The following CD302 variants were observed in gnomAD, a reference collection of about 807,000 sequenced individuals.
CD302 encodes the protein CD302 antigen.
In CD302, 23 loss-of-function variants were observed where a neutral mutation model predicts 26.5. The ratio of observed to expected loss-of-function variants is 0.87; its 90% CI spans 0.62 to 1.23. The LOEUF (loss-of-function observed/expected upper bound fraction) is 1.23, where lower values mean the gene tolerates loss of function less well. Among genes scored for constraint, CD302 ranks in the 50% most tolerant of loss-of-function variants. The pLI is 0.00. For synonymous variants in CD302, 90 were observed against 99.4 expected (o/e 0.91, Z 0.56); for missense variants, 290 against 275.5 (o/e 1.05, Z -0.37).
At chr2:159,783,493 T>C (rs1230825604) in intron 1 of CD302, 24 bp from the exon 2 acceptor site, 3 of 1,538,078 alleles carry the variant, frequency 2.0e-6, no homozygotes, top group Non-Finnish European at 2.6e-6. Context: ...AGAAGAACAC[T>C]GTTAAATAAC....
chr2:159,781,369 C>T (rs534873778), intron 2 of CD302: 5 of 153,114 alleles, frequency 3.3e-5, no homozygotes, highest in East Asian at 3.9e-4. Flanking sequence ...GCCAACATGA[C>T]GAAATCCTGT....
intron 2 of CD302, among the ~76,000 whole-genome samples, chr2:159,781,754 T>C (rs1050606263): frequency 6.6e-6 from 1 of 152,214 alleles, no homozygotes; most frequent in African/African-American, 2.4e-5. Context: ...TGTTGGAAAT[T>C]TCGTCTTGTT....
intron 2 of CD302, chr2:159,781,500 C>G (rs1439197488): frequency 6.7e-6 from 1 of 149,518 alleles, no homozygotes; most frequent in East Asian, 2.0e-4. Flanking sequence ...GTAGAGGTTG[C>G]AATGAGCTGA....
intron 1 of CD302, among the ~76,000 whole-genome samples, chr2:159,793,981 C>G (rs1043681517): frequency 6.6e-6 from 1 of 151,832 alleles, no homozygotes; most frequent in Non-Finnish European, 1.5e-5. Flanking sequence ...CTAAAATAGG[C>G]CAGGCGTGGC....
At chr2:159,792,091 G>A (rs1019842267) in intron 1 of CD302, among the ~76,000 whole-genome samples, 1 of 152,210 alleles carries the variant, frequency 6.6e-6, no homozygotes, top group Admixed American at 6.5e-5. Context: ...AAGTTACAGT[G>A]AAGATGCTGG....
intron 2 of CD302, among the ~76,000 whole-genome samples, chr2:159,782,877 T>C (rs1708560317): frequency 6.6e-6 from 1 of 152,244 alleles, no homozygotes; most frequent in Non-Finnish European, 1.5e-5. Flanking sequence ...CATGGTCCTA[T>C]GTAATCTGAC....
chr2:159,772,293 T>C (rs1252311484), intron 5 of CD302, among the ~76,000 whole-genome samples: 1 of 152,216 alleles, frequency 6.6e-6, no homozygotes. Flanking sequence ...GAAGACCCCA[T>C]AGTGGAAATC....
Position 159,797,961 on chromosome 2 carries a change from T to C in CD302, c.67+171A>G, listed in dbSNP as rs377678382. Among the ~76,000 whole-genome samples, 72 of 152,098 alleles carry C rather than the reference T, an allele frequency of 4.7e-4. No homozygotes were observed. In the East Asian group the frequency reaches 0.01, roughly 22 times the overall value. On this transcript the variant is annotated intron_variant, in intron 1 of 5. Coordinates refer to ENST00000259053, the MANE Select transcript of CD302 (RefSeq NM_014880.5). ...TCCCCGAGGGCAGGCGGGTGAGAGGTGACCCGGAGCCAGGACCCACGGGGG... is the reference window on the plus strand; with the variant it reads ...TCCCCGAGGGCAGGCGGGTGAGAGGCGACCCGGAGCCAGGACCCACGGGGG...
In CD302 at chr2:159,790,362, G is replaced by A. The variant is rs139769832; in HGVS notation, c.68-6893C>T. Among the ~76,000 whole-genome samples the A allele has an allele frequency of 4.6e-5, 7 of 151,930 alleles. No homozygotes were observed. In the East Asian group the frequency reaches 9.7e-4, roughly 21 times the overall value. ...CACTGGATAAATAGGAAGTTGCCAC[G>A]GATAAAAGGAAAAAGAAAAAAAAAA... On this transcript the variant is annotated intron_variant, in intron 1 of 5. Transcript: ENST00000259053.
intron 1 of CD302, among the ~76,000 whole-genome samples, chr2:159,786,337 T>C (rs1350371123): frequency 1.4e-5 from 2 of 144,552 alleles, no homozygotes; most frequent in African/African-American, 2.6e-5. Flanking sequence ...TTTTTCTTTT[T>C]TTTTTTTTTT....
intron 5 of CD302, among the ~76,000 whole-genome samples, chr2:159,774,635 C>T (rs1301788806): frequency 1.3e-5 from 2 of 152,168 alleles, no homozygotes; most frequent in South Asian, 2.1e-4. Context: ...ATAACCTGTC[C>T]TCTGTCTCCT....
intron 2 of CD302, 24 bp downstream of exon 2, chr2:159,783,335 A>T: frequency 6.5e-7 from 1 of 1,540,648 alleles, no homozygotes; most frequent in Non-Finnish European, 8.7e-7. Flanking sequence ...TGAAAAAACA[A>T]ACAGAAAAGA....
At chr2:159,784,346 CTTTTTTT>C (rs151184238) in intron 1 of CD302, among the ~76,000 whole-genome samples, 16 of 53,096 alleles carry the variant, frequency 3.0e-4, no homozygotes, top group African/African-American at 1.0e-3. Context: ...TTAAGTTCTG[CTTTTTTT>C]TTTTTTTTTT....
chr2:159,797,417 A>T (rs944785122), intron 1 of CD302, among the ~76,000 whole-genome samples: 6 of 152,174 alleles, frequency 3.9e-5, no homozygotes, highest in African/African-American at 1.4e-4. Context: ...AAATTTTTTA[A>T]AAATAAAGAC....
Position 159,771,266 on chromosome 2 carries a change from T to G in CD302, c.*585A>C, listed in dbSNP as rs1350838227. On this transcript the variant is annotated 3_prime_UTR_variant, in exon 6 of 6. Coordinates refer to ENST00000259053, the MANE Select transcript of CD302 (RefSeq NM_014880.5). ...AGCGATCATATTTTGTTTCAAATAA[T>G]TTATAAACATTCATTAAAACTTGAG... 1 of 152,828 alleles carries G rather than the reference T, an allele frequency of 6.5e-6. No homozygotes were observed. The highest frequency in any genetic ancestry group is 1.5e-5 in the Non-Finnish European group (1 of 68,538). The allele number at this position is 152,828 out of a possible 1,614,324, so 9.5% of individuals were successfully genotyped here.
rs2125782642 is a variant in CD302, at chr2:159,769,098, A to G, written c.*2753T>C. On this transcript the variant is annotated 3_prime_UTR_variant, in exon 6 of 6. Coordinates refer to ENST00000259053, the MANE Select transcript of CD302 (RefSeq NM_014880.5). ...AGAGAAAAGGCTTTCATTGGTTATC[A>G]GTTTTAAATTCTGAACAAAAGAGAC... The G allele has an allele frequency of 6.6e-6, 1 of 152,342 alleles. No homozygotes were observed. The highest frequency in any genetic ancestry group is 2.1e-4 in the South Asian group (1 of 4,834). The allele number at this position is 152,342 out of a possible 1,614,324, so 9.4% of individuals were successfully genotyped here.
chr2:159,794,457 T>C (rs917350936), intron 1 of CD302, among the ~76,000 whole-genome samples: 1 of 151,344 alleles, frequency 6.6e-6, no homozygotes, highest in Non-Finnish European at 1.5e-5. Flanking sequence ...CCTGAAATAA[T>C]ACCTAATTGA....
intron 5 of CD302, among the ~76,000 whole-genome samples, chr2:159,776,780 C>G (rs1708345486): frequency 6.8e-6 from 1 of 147,222 alleles, no homozygotes; most frequent in Admixed American, 7.1e-5. Context: ...TCTCGGCTCA[C>G]TGCAACCTCC....
intron 1 of CD302, among the ~76,000 whole-genome samples, chr2:159,787,601 A>T (rs1421076110): frequency 1.3e-5 from 2 of 152,150 alleles, no homozygotes; most frequent in African/African-American, 4.8e-5. Flanking sequence ...CAATATTTTA[A>T]TTTCATTGGC....
Sources: gnomAD v4.1 joint callset for allele counts (sites outside exome capture counted in the v4.1 genomes callset) on GRCh38, gnomAD v4.1.1 for gene constraint, MANE v1.5 for transcripts, NCBI Gene and HGNC (gene_info 2026-07-23, HGNC 2026-07-21) for gene names.